Variants in DCAF1 observed in about 807,000 individuals in gnomAD.
DCAF1 encodes DDB1 and CUL4 associated factor 1.
In DCAF1, 15 loss-of-function variants were observed where a neutral mutation model predicts 128.0. The ratio of observed to expected loss-of-function variants is 0.12; its 90% CI spans 0.08 to 0.18. The LOEUF (loss-of-function observed/expected upper bound fraction) is 0.18. DCAF1 is among the 10% of genes least tolerant of loss of function. The pLI, the probability that DCAF1 is intolerant of heterozygous loss-of-function variation, is 1.00. For synonymous variants in DCAF1, 610 were observed against 603.0 expected (o/e 1.01, Z -0.17); for missense variants, 988 against 1,649.5 (o/e 0.60, Z 6.95).
chr3:51,453,568 G>A (rs1462268946), intron 6 of DCAF1, among the ~76,000 whole-genome samples: 2 of 152,032 alleles, frequency 1.3e-5, no homozygotes, highest in Middle Eastern at 3.2e-3. Context: ...GGAGGTCAAG[G>A]CTGCAGTGAG....
chr3:51,429,920 C>A, intron 11 of DCAF1, 113 bp downstream of exon 11: 6 of 612,484 alleles, frequency 9.8e-6, no homozygotes, highest in South Asian at 4.5e-5. Flanking sequence ...AAAAGAATGG[C>A]AGCAAAACTC....
intron 23 of DCAF1, 29 bp downstream of exon 23, chr3:51,412,350 A>T (rs782805162): frequency 1.1e-5 from 17 of 1,613,436 alleles, no homozygotes; most frequent in Non-Finnish European, 1.4e-5. Context: ...AGCACTGTTC[A>T]GCAGAAAGAA....
intron 4 of DCAF1, among the ~76,000 whole-genome samples, chr3:51,470,193 AAGGATAATTATTTAG>A (rs1704576629): frequency 6.6e-6 from 1 of 152,298 alleles, no homozygotes; most frequent in African/African-American, 2.4e-5. Flanking sequence ...CCAACAGTAA[AAGGATAATTATTTAG>A]AGGATAATTA....
rs897847848 is a variant in DCAF1, at chr3:51,410,357, G to A, written c.4212+2022C>T. Among the ~76,000 whole-genome samples the A allele has an allele frequency of 7.2e-5, 11 of 152,166 alleles. 1 individual carries two copies. The highest frequency in any genetic ancestry group is 6.2e-4 in the South Asian group (3 of 4,822). On this transcript the variant is annotated intron_variant, in intron 23 of 24. Coordinates refer to ENST00000684031, the MANE Select transcript of DCAF1 (RefSeq NM_001387579.1). ...AGAGAGCACACACAGGGGATTTTAG[G>A]TTGAGTCTCTGTTCTAGCTTTTTTA...
intron 3 of DCAF1, among the ~76,000 whole-genome samples, chr3:51,478,093 T>C (rs1185744289): frequency 6.6e-6 from 1 of 152,162 alleles, no homozygotes; most frequent in Non-Finnish European, 1.5e-5. Flanking sequence ...AGCCTCGACC[T>C]ACCTGGCTCA....
chr3:51,450,919 A>G (rs1276571573), intron 6 of DCAF1, among the ~76,000 whole-genome samples: 1 of 152,038 alleles, frequency 6.6e-6, no homozygotes, highest in African/African-American at 2.4e-5. Context: ...AAATGACGTG[A>G]TCTTATATGT....
rs1701354694 is a variant in DCAF1 at position 51,441,535 on chromosome 3, T to C, written c.876A>G (p.Pro292=). 2 of 1,614,046 alleles carry C rather than the reference T, an allele frequency of 1.2e-6. No individual in the cohort carries two copies. Among genetic ancestry groups the C allele is most frequent in the Non-Finnish European group, 1.7e-6 (2 of 1,179,894 alleles). The change falls in exon 8 of 25, where the codon CCA becomes CCG. Residue 292 remains proline (P), a synonymous_variant. Transcript: ENST00000684031. ...TAGACAGCTCAACAAACATGCGATC[T>C]GGATCAGAAGATGAGAAACCCAACT... ...KQKLGFSSSD[P]DRMFVELSNS... is the part of the protein sequence containing the mutation.
At chr3:51,498,939 T>A (rs1553662740) in intron 1 of DCAF1, among the ~76,000 whole-genome samples, 1 of 152,094 alleles carries the variant, frequency 6.6e-6, no homozygotes, top group Admixed American at 6.6e-5. Context: ...AACAGGAAGA[T>A]GCTACTAATA....
At chr3:51,494,943 G>A (rs1236800238) in intron 2 of DCAF1, among the ~76,000 whole-genome samples, 1 of 152,002 alleles carries the variant, frequency 6.6e-6, no homozygotes, top group Non-Finnish European at 1.5e-5. Context: ...ACTAATCTAT[G>A]CCTGAAGATA....
chr3:51,431,085 T>C (rs1345316207), intron 10 of DCAF1, among the ~76,000 whole-genome samples: 3 of 152,056 alleles, frequency 2.0e-5, no homozygotes, highest in Non-Finnish European at 2.9e-5. Context: ...GAGGATGGTT[T>C]GAACCCAGGA....
chr3:51,454,188 A>G (rs1397834907), intron 6 of DCAF1, among the ~76,000 whole-genome samples: 1 of 152,098 alleles, frequency 6.6e-6, no homozygotes, highest in African/African-American at 2.4e-5. Context: ...GACTACAGGC[A>G]TGAGCTACCG....
intron 1 of DCAF1, among the ~76,000 whole-genome samples, chr3:51,498,389 AAAAG>A (rs1708478804): frequency 6.6e-6 from 1 of 151,392 alleles, no homozygotes; most frequent in Non-Finnish European, 1.5e-5. Flanking sequence ...AAAAAAAAAA[AAAAG>A]AGTTATCACA....
intron 1 of DCAF1, among the ~76,000 whole-genome samples, chr3:51,499,203 C>G (rs969640847): frequency 6.6e-5 from 10 of 152,350 alleles, no homozygotes; most frequent in South Asian, 2.1e-4. Flanking sequence ...CAGTTGAAAA[C>G]TACTATAACC....
intron 7 of DCAF1, among the ~76,000 whole-genome samples, chr3:51,443,171 C>T (rs899761054): frequency 2.0e-5 from 3 of 152,170 alleles, no homozygotes; most frequent in Non-Finnish European, 2.9e-5. Flanking sequence ...TAGTTGTTCA[C>T]TGTAAAATGC....
chr3:51,495,729 T>C (rs782289557), intron 2 of DCAF1, among the ~76,000 whole-genome samples: 14 of 151,884 alleles, frequency 9.2e-5, no homozygotes, highest in African/African-American at 1.5e-4. Flanking sequence ...CCTGCCTCTA[T>C]GAAAAAAATT....
At chr3:51,451,922 G>C (rs1238924956) in intron 6 of DCAF1, among the ~76,000 whole-genome samples, 1 of 152,042 alleles carries the variant, frequency 6.6e-6, no homozygotes, top group Non-Finnish European at 1.5e-5. Context: ...ATTGCACAAA[G>C]AGTAAACAGT....
intron 3 of DCAF1, among the ~76,000 whole-genome samples, chr3:51,476,469 G>A (rs1483804471): frequency 3.3e-5 from 5 of 150,160 alleles, no homozygotes; most frequent in African/African-American, 1.2e-4. Flanking sequence ...AGGCAGGAGG[G>A]TGCAATCTGG....
chr3:51,504,949 T>TA (rs1358736889), upstream of DCAF1, among the ~76,000 whole-genome samples: 1 of 151,818 alleles, frequency 6.6e-6, no homozygotes, highest in Non-Finnish European at 1.5e-5. Flanking sequence ...TCTATCAGTA[T>TA]AAAAAATAAT....
intron 23 of DCAF1, among the ~76,000 whole-genome samples, chr3:51,409,315 T>A (rs1292038667): frequency 6.6e-6 from 1 of 151,980 alleles, no homozygotes; most frequent in African/African-American, 2.4e-5. Flanking sequence ...CTCTCACCAC[T>A]CCATGTCTGC....
Sources: gnomAD v4.1 joint callset for allele counts (sites outside exome capture counted in the v4.1 genomes callset) on GRCh38, gnomAD v4.1.1 for gene constraint, MANE v1.5 for transcripts, NCBI Gene and HGNC (gene_info 2026-07-23, HGNC 2026-07-21) for gene names.